Variants in FNDC3A observed in about 807,000 individuals in gnomAD.
FNDC3A encodes fibronectin type-III domain-containing protein 3A.
Under a neutral mutation model 148.9 loss-of-function variants are expected in FNDC3A, and 32 were observed. The observed-to-expected ratio is 0.21, with a 90% CI of 0.16 to 0.29. FNDC3A has a LOEUF of 0.29. Among genes scored for constraint, FNDC3A ranks in the 10% least tolerant of loss-of-function variants. The probability of loss-of-function intolerance (pLI) is 1.00; values close to 1 mark genes in which losing one functional copy is unlikely to be tolerated. For missense variants in FNDC3A, 1,191 were observed against 1,452.8 expected (o/e 0.82, Z 2.93); for synonymous variants, 472 against 473.6 (o/e 1.00, Z 0.04).
At chr13:49,155,354 CAG>C (rs1357345691) in intron 8 of FNDC3A, among the ~76,000 whole-genome samples, 9 of 151,186 alleles carry the variant, frequency 6.0e-5, no homozygotes, top group African/African-American at 2.2e-4. Flanking sequence ...TCTGTGGGAT[CAG>C]TGGTGATATC....
intron 2 of FNDC3A, among the ~76,000 whole-genome samples, chr13:49,031,100 C>T (rs1030983426): frequency 6.6e-6 from 1 of 152,188 alleles, no homozygotes; most frequent in African/African-American, 2.4e-5. Context: ...TTAAAACTTA[C>T]TGCAGACTGG....
intron 4 of FNDC3A, among the ~76,000 whole-genome samples, chr13:49,115,703 C>T (rs1020083891): frequency 2.6e-5 from 4 of 152,210 alleles, no homozygotes; most frequent in South Asian, 2.1e-4. Flanking sequence ...GATGAGATCA[C>T]GTACTGAAAT....
At chr13:49,067,265 T>G (rs1566228360) in intron 2 of FNDC3A, among the ~76,000 whole-genome samples, 1 of 152,258 alleles carries the variant, frequency 6.6e-6, no homozygotes. Flanking sequence ...CATTTATGCT[T>G]TAAATATCTC....
At chr13:49,070,102 A>G (rs2137764213) in intron 2 of FNDC3A, among the ~76,000 whole-genome samples, 1 of 152,270 alleles carries the variant, frequency 6.6e-6, no homozygotes, top group South Asian at 2.1e-4. Context: ...AATACAAGCC[A>G]CATAAGTAGT....
chr13:49,017,285 C>T (rs2087868862), intron 2 of FNDC3A, among the ~76,000 whole-genome samples: 1 of 152,092 alleles, frequency 6.6e-6, no homozygotes, highest in African/African-American at 2.4e-5. Flanking sequence ...TCTTGGTGCT[C>T]CTGTATTGAG....
rs574381456 is a variant in FNDC3A at position 49,138,313 on chromosome 13, G to A, written c.761-434G>A. The stretch of plus-strand genomic sequence containing the variant: ...TTTTGCCTATCAGTGGTGGCTATAA[G>A]TTACAGTCAAGCCAATTATATTTCT... On this transcript the variant is annotated intron_variant, in intron 6 of 25. Coordinates refer to ENST00000492622, the MANE Select transcript of FNDC3A (RefSeq NM_001079673.2). 4.6e-4 allele frequency among the ~76,000 whole-genome samples: 70 copies of A among 152,226 alleles called. 1 individual carries two copies. In the South Asian group the frequency reaches 6.6e-3, roughly 14 times the overall value.
At chr13:49,109,782 TAA>T (rs961818172) in intron 3 of FNDC3A, among the ~76,000 whole-genome samples, 1 of 152,194 alleles carries the variant, frequency 6.6e-6, no homozygotes, top group Non-Finnish European at 1.5e-5. Context: ...TTTATTCTCT[TAA>T]GAGGCAAATA....
intron 1 of FNDC3A, among the ~76,000 whole-genome samples, chr13:49,001,575 A>G (rs1473452634): frequency 1.3e-5 from 2 of 152,172 alleles, no homozygotes; most frequent in Non-Finnish European, 2.9e-5. Flanking sequence ...TCAGCAAGGA[A>G]CATCCCTGAG....
chr13:49,203,804 T>C (rs907573439), intron 25 of FNDC3A, among the ~76,000 whole-genome samples: 1 of 152,024 alleles, frequency 6.6e-6, no homozygotes, highest in Non-Finnish European at 1.5e-5. Flanking sequence ...TTAAATCTGA[T>C]GAACATAAAG....
intron 6 of FNDC3A, among the ~76,000 whole-genome samples, chr13:49,137,490 G>A (rs1020177229): frequency 3.9e-5 from 6 of 152,020 alleles, no homozygotes; most frequent in South Asian, 2.1e-4. Context: ...GACTAAAGGC[G>A]CATGCCACCA....
rs148458303 is a variant in FNDC3A at position 49,082,161 on chromosome 13, G to A, written c.175+6797G>A. Among the ~76,000 whole-genome samples, 1,168 of 152,150 alleles carry A rather than the reference G, an allele frequency of 7.7e-3. 19 individuals are homozygous for A. The highest frequency in any genetic ancestry group is 0.027 in the African/African-American group (1,103 of 41,510). The stretch of plus-strand genomic sequence containing the variant: ...GCACTTTGGGAGGCCGAGGTGGGGC[G>A]GATCACCTGTGGTCAGGAGTTCGAG... On this transcript the variant is annotated intron_variant, in intron 3 of 25. Coordinates refer to ENST00000492622, the MANE Select transcript of FNDC3A (RefSeq NM_001079673.2).
intron 2 of FNDC3A, among the ~76,000 whole-genome samples, chr13:49,036,584 T>C (rs1272411681): frequency 6.6e-6 from 1 of 152,190 alleles, no homozygotes; most frequent in African/African-American, 2.4e-5. Flanking sequence ...TAAAAACAGA[T>C]CGATGTCTAA....
intron 4 of FNDC3A, among the ~76,000 whole-genome samples, chr13:49,126,571 G>A (rs1056794824): frequency 6.6e-5 from 10 of 151,844 alleles, no homozygotes; most frequent in African/African-American, 1.5e-4. Context: ...ATATCTTGTC[G>A]TAAACAACAA....
intron 2 of FNDC3A, among the ~76,000 whole-genome samples, chr13:49,026,485 G>A (rs1873722391): frequency 6.6e-6 from 1 of 152,098 alleles, no homozygotes; most frequent in Non-Finnish European, 1.5e-5. Context: ...GTTGCTAAGA[G>A]GTTTTGTTTC....
chr13:49,032,544 G>A (rs1333851453), intron 2 of FNDC3A, among the ~76,000 whole-genome samples: 20 of 152,184 alleles, frequency 1.3e-4, no homozygotes, highest in Non-Finnish European at 2.9e-5. Context: ...TCTACAGACT[G>A]GCTAACAGGG....
chr13:49,042,935 T>C (rs1341372277), intron 2 of FNDC3A, among the ~76,000 whole-genome samples: 2 of 152,180 alleles, frequency 1.3e-5, no homozygotes, highest in Non-Finnish European at 2.9e-5. Context: ...TTATGAATTA[T>C]TGAAACTTTT....
At chr13:49,110,234 T>G (rs1880466133) in intron 3 of FNDC3A, 7 of 809,482 alleles carry the variant, frequency 8.6e-6, no homozygotes, top group Non-Finnish European at 1.3e-5. Flanking sequence ...CTTTCCTGGG[T>G]CACTGCAGGT....
At chr13:49,068,323 C>T (rs1877406656) in intron 2 of FNDC3A, among the ~76,000 whole-genome samples, 1 of 151,874 alleles carries the variant, frequency 6.6e-6, no homozygotes, top group South Asian at 2.1e-4. Flanking sequence ...GTGATGGCAC[C>T]ATTGCACTCC....
chr13:49,130,790 A>T (rs1221343900), intron 4 of FNDC3A, among the ~76,000 whole-genome samples: 1 of 152,066 alleles, frequency 6.6e-6, no homozygotes, highest in East Asian at 1.9e-4. Context: ...TATTTTTGAG[A>T]CAGAGTCTTG....
Sources: allele counts gnomAD v4.1 joint callset (sites outside exome capture counted in the v4.1 genomes callset), GRCh38; gene constraint gnomAD v4.1.1; transcripts MANE v1.5; gene names NCBI Gene and HGNC (gene_info 2026-07-23, HGNC 2026-07-21).